Variants in FAM78A observed in about 807,000 individuals in gnomAD.
FAM78A encodes the protein family with sequence similarity 78 member A.
A neutral mutation model predicts 22.6 loss-of-function variants in FAM78A; 12 were observed. That is an observed-to-expected ratio of 0.53 (90% CI 0.34 to 0.86). FAM78A has a LOEUF of 0.86. Among genes scored for constraint, FAM78A ranks in the 40% least tolerant of loss-of-function variants. The probability of loss-of-function intolerance (pLI) is 0.02; values close to 1 mark genes in which losing one functional copy is unlikely to be tolerated. For synonymous variants in FAM78A, 151 were observed against 155.8 expected, an observed-to-expected ratio of 0.97 and a Z score of 0.23; for missense variants, 322 against 396.1, an observed-to-expected ratio of 0.81 and a Z score of 1.59.
chr9:131,273,613 GAA>G (rs976833359), intron 1 of FAM78A, among the ~76,000 whole-genome samples: 3 of 152,208 alleles, frequency 2.0e-5, no homozygotes, highest in African/African-American at 4.8e-5. Context: ...ACGTGACAGA[GAA>G]AGACTCGGCC....
At position 131,268,658 on chromosome 9, in the gene FAM78A, C is replaced by T. The variant is rs181879668; in HGVS notation, c.323+7199G>A. ...GCTCACTCCTGTAATCCCAGCACTT[C>T]GGGAGGCCGAGGCGGGCGGATCACA... On this transcript the variant is annotated intron_variant, in intron 1 of 1. Transcript: ENST00000372271. Among the ~76,000 whole-genome samples the T allele has an allele frequency of 4.6e-5, 7 of 151,940 alleles. No homozygotes were observed. The East Asian group carries it at 5.8e-4, about 13-fold the overall frequency.
intron 1 of FAM78A, chr9:131,270,158 A>C: frequency 4.6e-6 from 3 of 659,096 alleles, no homozygotes; most frequent in Non-Finnish European, 5.6e-6. Context: ...GTGAGCCAAG[A>C]TCATGCCACT....
At chr9:131,278,572 G>C (rs533857478), upstream of FAM78A, among the ~76,000 whole-genome samples, 1 of 152,230 alleles carries the variant, frequency 6.6e-6, no homozygotes, top group Non-Finnish European at 1.5e-5. Flanking sequence ...CCTGTGGAGG[G>C]AGACTGATGA....
chr9:131,268,765 T>C (rs938597706), intron 1 of FAM78A, among the ~76,000 whole-genome samples: 2 of 151,670 alleles, frequency 1.3e-5, no homozygotes, highest in East Asian at 1.9e-4. Context: ...TGGTGGCAGG[T>C]GCCTGTAGTC....
Position 131,276,312 on chromosome 9 carries a change from T to G in FAM78A, c.-133A>C. On this transcript the variant is annotated 5_prime_UTR_variant, in exon 1 of 2. The change abolishes the stop of an existing upstream ORF in the 5' untranslated region. Transcript: ENST00000372271. This position sits in a 1 kb window ranked among gnomAD's most constrained non-coding sequence, Gnocchi z 4.3. ...GCATATATCACTACCGCGGCCTGTT[T>G]ATAAATAAGGATTCTGCTGCATTTC... 2 of 681,134 alleles carry G rather than the reference T, an allele frequency of 2.9e-6. No homozygotes were observed. Among genetic ancestry groups the G allele is most frequent in the South Asian group, 4.3e-5 (2 of 46,574 alleles). The allele number at this position is 681,134 out of a possible 1,614,324, so 42.2% of individuals were successfully genotyped here.
chr9:131,261,406 G>A lies in FAM78A; in HGVS notation c.324-56C>T, dbSNP rs1835267563. On this transcript the variant is annotated intron_variant, in intron 1 of 1. Coordinates refer to ENST00000372271, the MANE Select transcript of FAM78A (RefSeq NM_033387.4). This position sits in a 1 kb window ranked among gnomAD's most constrained non-coding sequence, Gnocchi z 7.1. ...CGGTCACTCAAGGAGGGCTTTCTGT[G>A]TCCCCCTGGCAGGCCAGGGGCTGTC... The A allele has an allele frequency of 6.8e-7, 1 of 1,472,806 alleles. No homozygotes were observed. Among genetic ancestry groups the A allele is most frequent in the African/African-American group, 1.4e-5 (1 of 71,340 alleles). The allele number at this position is 1,472,806 out of a possible 1,614,324, so 91.2% of individuals were successfully genotyped here.
rs928364146 is a variant in FAM78A at position 131,261,822 on chromosome 9, G to A, written c.324-472C>T. 6.6e-6 allele frequency among the ~76,000 whole-genome samples: 1 copy of A among 152,116 alleles called. No individual in the cohort carries two copies. Among genetic ancestry groups the A allele is most frequent in the Non-Finnish European group, 1.5e-5 (1 of 68,014 alleles). On this transcript the variant is annotated intron_variant, in intron 1 of 1. Coordinates refer to ENST00000372271, the MANE Select transcript of FAM78A (RefSeq NM_033387.4). This position sits in a 1 kb window ranked among gnomAD's most constrained non-coding sequence, Gnocchi z 7.1. Reference sequence around the variant, plus strand: ...AAGCGGTGGGGCCTGGGACCCCGGCGCATTTCCACCAAGGCACCTGTAACA... The same window carrying A: ...AAGCGGTGGGGCCTGGGACCCCGGCACATTTCCACCAAGGCACCTGTAACA...
chr9:131,260,289 T>C lies in FAM78A; in HGVS notation c.*533A>G, dbSNP rs1286997391. The C allele has an allele frequency of 6.5e-6, 1 of 152,946 alleles. No homozygotes were observed. Among genetic ancestry groups the C allele is most frequent in the African/African-American group, 2.4e-5 (1 of 41,456 alleles). The allele number at this position is 152,946 out of a possible 1,614,324, so 9.5% of individuals were successfully genotyped here. A position where few individuals can be genotyped will look rare whatever the true frequency, so the allele number is the denominator to read the frequency against. On this transcript the variant is annotated 3_prime_UTR_variant, in exon 2 of 2. Coordinates refer to ENST00000372271, the MANE Select transcript of FAM78A (RefSeq NM_033387.4). This position sits in a 1 kb window ranked among gnomAD's most constrained non-coding sequence, Gnocchi z 5.4. ...ATCCTGCTTTCTTTCTCCGATTGGT[T>C]TTCTTCCTTTCAATTCAGCTTAAGG...
chr9:131,260,854 G>A lies in FAM78A; in HGVS notation c.820C>T (p.Pro274Ser). The A allele has an allele frequency of 6.6e-7, 1 of 1,525,038 alleles. No homozygotes were observed. Among genetic ancestry groups the A allele is most frequent in the Non-Finnish European group, 8.8e-7 (1 of 1,135,956 alleles). 94.5% of individuals were successfully genotyped at this position (1,525,038 alleles called of 1,614,324 possible). The change falls in exon 2 of 2, where the codon CCG becomes TCG. Residue 274 changes from proline to serine, a missense_variant. Coordinates refer to ENST00000372271, the MANE Select transcript of FAM78A (RefSeq NM_033387.4). This position sits in a 1 kb window ranked among gnomAD's most constrained non-coding sequence, Gnocchi z 5.4. Reference sequence around the variant, plus strand: ...TGCTTGGGCGGGATCACCACCAGCGGCTGCCCGTACTTGGGCCGCCACATG... The same window carrying A: ...TGCTTGGGCGGGATCACCACCAGCGACTGCCCGTACTTGGGCCGCCACATG... ...VLMWRPKYGQ[P>S]LVVIPPKHR is the part of the protein sequence containing the mutation.
At chr9:131,270,461 T>C (rs1342924103) in intron 1 of FAM78A, 1 of 717,268 alleles carries the variant, frequency 1.4e-6, no homozygotes, top group Admixed American at 2.0e-5. Flanking sequence ...ACGCCTCACT[T>C]GGTCTCCAAT....
At chr9:131,267,908 T>G (rs1004114705) in intron 1 of FAM78A, among the ~76,000 whole-genome samples, 2 of 152,026 alleles carry the variant, frequency 1.3e-5, no homozygotes, top group Admixed American at 1.3e-4. Context: ...AAAAATTAGC[T>G]GGGCGTGGTG....
In FAM78A at chr9:131,260,640, C is replaced by T. The variant is rs1175225366; in HGVS notation, c.*182G>A. ...TCTGTCCTGCTTAGATCTCCCCTCTCCCTGAAAGGAAGCAGGTGCCGAGAG... is the reference window on the plus strand; with the variant it reads ...TCTGTCCTGCTTAGATCTCCCCTCTTCCTGAAAGGAAGCAGGTGCCGAGAG... On this transcript the variant is annotated 3_prime_UTR_variant, in exon 2 of 2. Transcript: ENST00000372271. This position sits in a 1 kb window ranked among gnomAD's most constrained non-coding sequence, Gnocchi z 5.4. The T allele has an allele frequency of 3.2e-6, 2 of 621,536 alleles. No individual in the cohort carries two copies. The highest frequency in any genetic ancestry group is 3.7e-5 in the African/African-American group (2 of 53,614). The allele number at this position is 621,536 out of a possible 1,614,324, so 38.5% of individuals were successfully genotyped here. A position where few individuals can be genotyped will look rare whatever the true frequency, so the allele number is the denominator to read the frequency against.
upstream of FAM78A, among the ~76,000 whole-genome samples, chr9:131,280,447 G>C (rs1835530864): frequency 6.6e-6 from 1 of 152,196 alleles, no homozygotes; most frequent in African/African-American, 2.4e-5. Flanking sequence ...GGGGACATCT[G>C]TTTGAGTCAT....
intron 1 of FAM78A, among the ~76,000 whole-genome samples, chr9:131,262,189 G>T (rs1044967380): frequency 6.6e-6 from 1 of 151,650 alleles, no homozygotes; most frequent in African/African-American, 2.4e-5. Flanking sequence ...AATTAGTCAG[G>T]CATGGTGACA....
At chr9:131,270,245 T>C (rs1392982810) in intron 1 of FAM78A, 2 of 717,012 alleles carry the variant, frequency 2.8e-6, no homozygotes, top group Admixed American at 4.0e-5. Flanking sequence ...GGCTTGCACA[T>C]GTGGACGGTA....
intron 1 of FAM78A, chr9:131,270,421 C>G (rs747300340): frequency 2.9e-5 from 21 of 717,482 alleles, no homozygotes; most frequent in Non-Finnish European, 4.7e-5. Context: ...TGTAACTTGT[C>G]ATTTCCCTGA....
Position 131,261,261 on chromosome 9 carries a change from G to GTGT in FAM78A, c.410_412dup (p.Asn137dup). ...GCCCACGATGGTGCAGGTCTCTGTG[G>GTGT]TGTTGCCGTACCAGGGGTAGTTCAC... On this transcript the variant is annotated inframe_insertion, in exon 2 of 2. Transcript: ENST00000372271. The surrounding 1 kb of genome is among the most constrained non-coding windows in gnomAD (Gnocchi z 7.1). 6.2e-7 allele frequency: 1 copy of GTGT among 1,611,246 alleles called. No individual in the cohort carries two copies. The highest frequency in any genetic ancestry group is 8.5e-7 in the Non-Finnish European group (1 of 1,179,742).
upstream of FAM78A, among the ~76,000 whole-genome samples, chr9:131,278,889 C>T (rs933422378): frequency 2.6e-5 from 4 of 152,250 alleles, no homozygotes; most frequent in Non-Finnish European, 5.9e-5. Flanking sequence ...TCCAGCCAGT[C>T]CCAGAGCCGG....
intron 1 of FAM78A, among the ~76,000 whole-genome samples, chr9:131,273,175 C>T (rs1304970888): frequency 4.6e-5 from 7 of 152,190 alleles, no homozygotes; most frequent in Non-Finnish European, 1.5e-5. Flanking sequence ...AGCCACAGGA[C>T]GGTCACCCAT....
Sources: gnomAD v4.1 joint callset for allele counts (sites outside exome capture counted in the v4.1 genomes callset) on GRCh38, gnomAD v4.1.1 for gene constraint, Gnocchi (gnomAD v3.1) non-coding constraint, MANE v1.5 for transcripts, NCBI Gene and HGNC (gene_info 2026-07-23, HGNC 2026-07-21) for gene names.